Variants in CTDSPL2 observed in about 807,000 individuals in gnomAD.
CTDSPL2 encodes the protein CTD small phosphatase like 2, also known as CTD small phosphatase-like protein 2.
Under a neutral mutation model 60.0 loss-of-function variants are expected in CTDSPL2, and 5 were observed. The observed-to-expected ratio is 0.08, with a 90% confidence interval of 0.04 to 0.18. CTDSPL2 has a LOEUF of 0.18. Ranked by LOEUF, CTDSPL2 falls within the 10% of genes least tolerant of loss-of-function variation. The probability of loss-of-function intolerance (pLI) is 1.00; values close to 1 mark genes in which losing one functional copy is unlikely to be tolerated. For synonymous variants in CTDSPL2, 186 were observed against 189.3 expected (o/e 0.98, Z 0.14); for missense variants, 370 against 548.8 (o/e 0.67, Z 3.26).
chr15:44,456,185 A>G (rs919838018), intron 1 of CTDSPL2, among the ~76,000 whole-genome samples: 2 of 152,080 alleles, frequency 1.3e-5, no homozygotes, highest in Non-Finnish European at 2.9e-5. Context: ...TTCATCAAGG[A>G]TATTGGTCTA....
rs565527836 is a variant in CTDSPL2, at chr15:44,437,665, A to G, written c.-25+9893A>G. ...AGAAAAATTGTGGCTTAGTTCAACA[A>G]AGATTGAGTTAACTCGTGTGCCAGG... On this transcript the variant is annotated intron_variant, in intron 1 of 12. Transcript: ENST00000260327. Among the ~76,000 whole-genome samples the G allele has an allele frequency of 2.0e-5, 3 of 152,308 alleles. No homozygotes were observed. In the South Asian group the frequency reaches 6.2e-4, roughly 32 times the overall value.
At chr15:44,481,561 C>G (rs759504981) in intron 2 of CTDSPL2, among the ~76,000 whole-genome samples, 4 of 151,994 alleles carry the variant, frequency 2.6e-5, no homozygotes, top group Non-Finnish European at 5.9e-5. Context: ...GGCACAAGTC[C>G]TTTCACCTGT....
intron 2 of CTDSPL2, among the ~76,000 whole-genome samples, chr15:44,478,659 A>AT (rs938802258): frequency 1.3e-5 from 2 of 151,780 alleles, no homozygotes; most frequent in African/African-American, 2.4e-5. Flanking sequence ...TGATAATATA[A>AT]TTTTTTTTAA....
chr15:44,521,349 TA>T lies in CTDSPL2; in HGVS notation c.1283del (p.Asn428MetfsTer6). 6.3e-7 allele frequency: 1 copy of T among 1,588,338 alleles called. No individual in the cohort carries two copies. Among genetic ancestry groups the T allele is most frequent in the Non-Finnish European group, 8.6e-7 (1 of 1,159,362 alleles). On this transcript the variant is annotated frameshift_variant, in exon 12 of 13. Transcript: ENST00000260327. LOFTEE classifies it high-confidence loss of function. The part of the protein sequence containing the change: ...GIPIESWFMD[K>X]NDNELLKLIP... ...TCCCTATAGAAAGTTGGTTTATGGA[TA>T]AAAATGACAATGAACTCCTAAAATT...
At chr15:44,515,796 C>T (rs899625608) in intron 10 of CTDSPL2, among the ~76,000 whole-genome samples, 1 of 152,036 alleles carries the variant, frequency 6.6e-6, no homozygotes, top group Non-Finnish European at 1.5e-5. Flanking sequence ...TCGCTTGAAC[C>T]CGGAAGGCGG....
chr15:44,494,613 A>T (rs903288835), intron 5 of CTDSPL2, among the ~76,000 whole-genome samples: 1 of 151,622 alleles, frequency 6.6e-6, no homozygotes, highest in Non-Finnish European at 1.5e-5. Flanking sequence ...AAAAAAGGTT[A>T]AAAGAATAAT....
rs141452306 is a variant in CTDSPL2 at position 44,432,405 on chromosome 15, C to T, written c.-25+4633C>T. Among the ~76,000 whole-genome samples the T allele has an allele frequency of 3.6e-3, 528 of 148,556 alleles. 4 individuals are homozygous for T. Among genetic ancestry groups the T allele is most frequent in the African/African-American group, 0.012 (469 of 40,220 alleles). On this transcript the variant is annotated intron_variant, in intron 1 of 12. Coordinates refer to ENST00000260327, the MANE Select transcript of CTDSPL2 (RefSeq NM_016396.3). ...GGCAATCTTGGCTCAATGCAACCTC[C>T]GCCTCCCGGGTTCAAGCAATTCTCC...
At chr15:44,429,864 T>C (rs2079822097) in intron 1 of CTDSPL2, among the ~76,000 whole-genome samples, 1 of 152,060 alleles carries the variant, frequency 6.6e-6, no homozygotes, top group African/African-American at 2.4e-5. Flanking sequence ...AGACTCCGTC[T>C]CAAAAAAAAA....
intron 1 of CTDSPL2, among the ~76,000 whole-genome samples, chr15:44,453,608 A>G (rs1455537368): frequency 8.4e-6 from 1 of 119,606 alleles, no homozygotes; most frequent in Non-Finnish European, 1.6e-5. Flanking sequence ...CCAGTGTGTG[A>G]TATTCCCCTT....
chr15:44,480,223 T>C (rs937104284), intron 2 of CTDSPL2, among the ~76,000 whole-genome samples: 3 of 152,132 alleles, frequency 2.0e-5, no homozygotes, highest in African/African-American at 4.8e-5. Context: ...ACTCCCCAAC[T>C]CCCCTCCCCC....
chr15:44,514,593 C>T lies in CTDSPL2; in HGVS notation c.970-5C>T, dbSNP rs780103462. ...TTGCTGAAACTTATCTTTGTATTTC[C>T]TTAGGTTTATGTGAGATTAAGACCA... On this transcript the variant is annotated splice_polypyrimidine_tract_variant and splice_region_variant and intron_variant, in intron 8 of 12. Coordinates refer to ENST00000260327, the MANE Select transcript of CTDSPL2 (RefSeq NM_016396.3). 7.6e-6 allele frequency: 12 copies of T among 1,575,466 alleles called. No homozygotes were observed. The South Asian group carries it at 1.2e-4, about 16-fold the overall frequency.
At chr15:44,479,353 G>T (rs1171805136) in intron 2 of CTDSPL2, among the ~76,000 whole-genome samples, 1 of 131,502 alleles carries the variant, frequency 7.6e-6, no homozygotes, top group Admixed American at 7.4e-5. Context: ...TTTTTGTTCT[G>T]TTTCTTAGTT....
intron 1 of CTDSPL2, among the ~76,000 whole-genome samples, chr15:44,456,459 T>A (rs1196069320): frequency 2.6e-5 from 4 of 152,184 alleles, no homozygotes; most frequent in Admixed American, 6.5e-5. Context: ...TTCTTCCTGG[T>A]TTAGTCTTGG....
intron 8 of CTDSPL2, among the ~76,000 whole-genome samples, chr15:44,514,090 C>G (rs943148552): frequency 4.6e-5 from 7 of 152,070 alleles, no homozygotes; most frequent in African/African-American, 1.7e-4. Context: ...TTATTTAAAC[C>G]CATCAATCCA....
chr15:44,435,244 GAGACTCCGTCTCAAAAA>G (rs1195104654), intron 1 of CTDSPL2, among the ~76,000 whole-genome samples: 3 of 138,082 alleles, frequency 2.2e-5, no homozygotes, highest in Admixed American at 7.7e-5. Context: ...GCGACAGAGT[GAGACTCCGTCTCAAAAA>G]AAAAAAAAAA....
At chr15:44,480,703 T>C (rs184423240) in intron 2 of CTDSPL2, among the ~76,000 whole-genome samples, 79 of 152,110 alleles carry the variant, frequency 5.2e-4, no homozygotes, top group Non-Finnish European at 4.4e-5. Context: ...CGTGATGTTA[T>C]GTGTCTGTAT....
intron 2 of CTDSPL2, among the ~76,000 whole-genome samples, chr15:44,464,200 A>C (rs926314448): frequency 5.9e-5 from 9 of 152,198 alleles, no homozygotes; most frequent in African/African-American, 2.2e-4. Context: ...GTTAGTAAGC[A>C]GTTACTATTT....
At chr15:44,471,677 A>G (rs1364679889) in intron 2 of CTDSPL2, among the ~76,000 whole-genome samples, 1 of 152,306 alleles carries the variant, frequency 6.6e-6, no homozygotes, top group Non-Finnish European at 1.5e-5. Context: ...GTATAAATTC[A>G]GTAGCTTTTA....
At chr15:44,521,964 CATGATGATG>C (rs372125991) in intron 12 of CTDSPL2, among the ~76,000 whole-genome samples, 2 of 57,822 alleles carry the variant, frequency 3.5e-5, no homozygotes, top group African/African-American at 6.3e-5. Context: ...AAAAAAAAAA[CATGATGATG>C]ATGATGATGA....
Sources: gnomAD v4.1 joint callset for allele counts (sites outside exome capture counted in the v4.1 genomes callset) on GRCh38, gnomAD v4.1.1 for gene constraint, MANE v1.5 for transcripts, NCBI Gene and HGNC (gene_info 2026-07-23, HGNC 2026-07-21) for gene names.